Variants in GATAD2B observed in about 807,000 individuals in gnomAD.
GATAD2B encodes GATA zinc finger domain containing 2B, also known as transcriptional repressor p66-beta.
GATAD2B carries 8 observed loss-of-function variants against 64.3 expected under a neutral mutation model. That is an observed-to-expected ratio of 0.12 (90% CI 0.07 to 0.22). GATAD2B has a LOEUF of 0.22. Among genes scored for constraint, GATAD2B ranks in the 10% least tolerant of loss-of-function variants. The pLI is 1.00. For synonymous variants in GATAD2B, 281 were observed against 271.3 expected (o/e 1.04, Z -0.35); for missense variants, 453 against 752.0 (o/e 0.60, Z 4.65).
intron 1 of GATAD2B, among the ~76,000 whole-genome samples, chr1:153,853,929 AC>A (rs939671690): frequency 6.6e-6 from 1 of 151,750 alleles, no homozygotes; most frequent in Non-Finnish European, 1.5e-5. Flanking sequence ...ATTCCCATCT[AC>A]CCCCAGCCAG....
At chr1:153,847,328 C>T (rs1254530027) in intron 1 of GATAD2B, among the ~76,000 whole-genome samples, 1 of 152,092 alleles carries the variant, frequency 6.6e-6, no homozygotes, top group African/African-American at 2.4e-5. Flanking sequence ...TGTATTTAGT[C>T]CCTGACCTCT....
intron 1 of GATAD2B, among the ~76,000 whole-genome samples, chr1:153,918,023 G>A (rs1678324425): frequency 6.6e-6 from 1 of 152,208 alleles, no homozygotes. Context: ...TTTCCCACTA[G>A]AAGGAATCAC....
At chr1:153,867,901 TTAAAA>T (rs1391117411) in intron 1 of GATAD2B, among the ~76,000 whole-genome samples, 1 of 147,194 alleles carries the variant, frequency 6.8e-6, no homozygotes, top group Non-Finnish European at 1.5e-5. Context: ...AGAAACAGAA[TTAAAA>T]TAAAATTTTA....
chr1:153,853,767 G>A (rs1675990117), intron 1 of GATAD2B, among the ~76,000 whole-genome samples: 1 of 152,030 alleles, frequency 6.6e-6, no homozygotes, highest in African/African-American at 2.4e-5. Context: ...AATCCATTTT[G>A]GGTTGATTTT....
At chr1:153,895,060 A>G (rs1285918458) in intron 1 of GATAD2B, among the ~76,000 whole-genome samples, 1 of 152,236 alleles carries the variant, frequency 6.6e-6, no homozygotes, top group Non-Finnish European at 1.5e-5. Context: ...TGGGAGGCTG[A>G]GGCAGGAGAA....
intron 1 of GATAD2B, among the ~76,000 whole-genome samples, chr1:153,906,648 A>T (rs1281617508): frequency 6.6e-6 from 1 of 152,216 alleles, no homozygotes; most frequent in East Asian, 1.9e-4. Context: ...AAAAAAAACA[A>T]CAGATAAACT....
At chr1:153,911,667 C>T (rs1034923567) in intron 1 of GATAD2B, among the ~76,000 whole-genome samples, 1 of 151,918 alleles carries the variant, frequency 6.6e-6, no homozygotes, top group Non-Finnish European at 1.5e-5. Flanking sequence ...ACTCGGGAGG[C>T]GGAGGTTGCA....
intron 1 of GATAD2B, among the ~76,000 whole-genome samples, chr1:153,849,365 C>A (rs965070949): frequency 8.5e-5 from 13 of 152,164 alleles, no homozygotes; most frequent in Admixed American, 6.5e-4. Context: ...TCTTAAAGGT[C>A]CCACTTCTTA....
Position 153,863,630 on chromosome 1 carries a change from C to CT in GATAD2B, c.-1-35283dup, listed in dbSNP as rs572570661. On this transcript the variant is annotated intron_variant, in intron 1 of 10. Coordinates refer to ENST00000368655, the MANE Select transcript of GATAD2B (RefSeq NM_020699.4). Reference sequence around the variant, plus strand: ...ACTCATCTATAAAAATTCTGTTTTTCTTTTTTTTTTCCAAGACAGAGTCTC... The same window carrying CT: ...ACTCATCTATAAAAATTCTGTTTTTCTTTTTTTTTTTCCAAGACAGAGTCTC... Among the ~76,000 whole-genome samples, 105 of 148,418 alleles carry CT rather than the reference C, an allele frequency of 7.1e-4. 1 individual carries two copies. In the East Asian group the frequency reaches 0.015, roughly 22 times the overall value.
chr1:153,832,246 G>A (rs1675105324), intron 1 of GATAD2B, among the ~76,000 whole-genome samples: 1 of 151,860 alleles, frequency 6.6e-6, no homozygotes, highest in Non-Finnish European at 1.5e-5. Flanking sequence ...AGTTGTGAAT[G>A]CAAAGGAAAA....
chr1:153,882,748 T>C (rs1677044916), intron 1 of GATAD2B, among the ~76,000 whole-genome samples: 1 of 150,988 alleles, frequency 6.6e-6, no homozygotes, highest in South Asian at 2.1e-4. Context: ...CACACATCCC[T>C]ATGTCATTCT....
At chr1:153,885,596 G>A (rs956930928) in intron 1 of GATAD2B, among the ~76,000 whole-genome samples, 2 of 151,662 alleles carry the variant, frequency 1.3e-5, no homozygotes, top group Non-Finnish European at 2.9e-5. Context: ...GGCTGGGCGC[G>A]GTGGCTCATG....
rs369284551 is a variant in GATAD2B at position 153,881,034 on chromosome 1, C to A, written c.-2+41699G>T. Reference sequence around the variant, plus strand: ...ATTTTTCTTGCTCTAAGCCTCCCCCCTCCCTCTCCTTGTCCATCAGCCCAA... The same window carrying A: ...ATTTTTCTTGCTCTAAGCCTCCCCCATCCCTCTCCTTGTCCATCAGCCCAA... On this transcript the variant is annotated intron_variant, in intron 1 of 10. Transcript: ENST00000368655. Among the ~76,000 whole-genome samples, 221 of 152,202 alleles carry A rather than the reference C, an allele frequency of 1.5e-3. 3 individuals carry two copies. The South Asian group carries it at 0.018, about 12-fold the overall frequency.
At chr1:153,909,559 T>A (rs956400429) in intron 1 of GATAD2B, among the ~76,000 whole-genome samples, 9 of 151,610 alleles carry the variant, frequency 5.9e-5, no homozygotes, top group Non-Finnish European at 1.2e-4. Flanking sequence ...CACAGCACTT[T>A]GGGAAGCCAC....
At chr1:153,845,543 C>G (rs956033028) in intron 1 of GATAD2B, among the ~76,000 whole-genome samples, 2 of 151,228 alleles carry the variant, frequency 1.3e-5, no homozygotes, top group Non-Finnish European at 2.9e-5. Context: ...CTCAGGAGTT[C>G]AAGACCAGCC....
intron 1 of GATAD2B, among the ~76,000 whole-genome samples, chr1:153,869,969 C>CTT (rs377287130): frequency 2.6e-5 from 4 of 151,494 alleles, no homozygotes; most frequent in Non-Finnish European, 5.9e-5. Flanking sequence ...CTACATTTTC[C>CTT]TTTTTTTGAG....
At chr1:153,912,244 A>C (rs1398611704) in intron 1 of GATAD2B, among the ~76,000 whole-genome samples, 1 of 152,208 alleles carries the variant, frequency 6.6e-6, no homozygotes, top group Non-Finnish European at 1.5e-5. Context: ...GAAATTGAAG[A>C]ATTTTTTTTT....
At chr1:153,913,770 A>T (rs540037421) in intron 1 of GATAD2B, among the ~76,000 whole-genome samples, 6 of 151,814 alleles carry the variant, frequency 4.0e-5, no homozygotes, top group African/African-American at 1.4e-4. Flanking sequence ...TACAAAAAAA[A>T]TTAGCCAGGC....
intron 2 of GATAD2B, among the ~76,000 whole-genome samples, chr1:153,823,039 C>T (rs959267503): frequency 1.3e-5 from 2 of 152,188 alleles, no homozygotes; most frequent in Non-Finnish European, 2.9e-5. Flanking sequence ...CCTGCCTTGG[C>T]CTCCCAAAGT....
Sources: allele counts gnomAD v4.1 joint callset (sites outside exome capture counted in the v4.1 genomes callset), GRCh38; gene constraint gnomAD v4.1.1; transcripts MANE v1.5; gene names NCBI Gene and HGNC (gene_info 2026-07-23, HGNC 2026-07-21).